RAPGEF3: variants seen among roughly 807,000 people sequenced by gnomAD.
The protein encoded by RAPGEF3 is Rap guanine nucleotide exchange factor 3, also known as 9330170P05Rik.
RAPGEF3 carries 103 observed loss-of-function variants against 129.8 expected under a neutral mutation model. The observed-to-expected ratio is 0.79, with a 90% confidence interval of 0.68 to 0.93. The LOEUF is 0.93. Ranked by LOEUF, RAPGEF3 falls within the 40% of genes least tolerant of loss-of-function variation. RAPGEF3 has a pLI of 0.00. For synonymous variants in RAPGEF3, 436 were observed against 482.6 expected (o/e 0.90, Z 1.26); for missense variants, 1,117 against 1,207.4 (o/e 0.93, Z 1.11).
intron 19 of RAPGEF3, 86 bp from the exon 20 acceptor site, chr12:47,741,126 T>G: frequency 6.9e-7 from 1 of 1,459,580 alleles, no homozygotes; most frequent in Non-Finnish European, 9.3e-7. Context: ...GCAAGGACTC[T>G]ATGCTCGTGT....
In RAPGEF3 at chr12:47,740,947, G is replaced by A. The variant is rs749573837; in HGVS notation, c.2017C>T (p.His673Tyr). ...ATACTGTTGAAGAGGCTCCAGTCGT[G>A]GTCCGTCAGCTGGCCTGCCAGGTCC... ...AKDLAGQLTDHDWSLFNSIHQ... is the reference protein window; with the variant it reads ...AKDLAGQLTDYDWSLFNSIHQ... Residue 673 changes from histidine to tyrosine, a missense_variant, in exon 20 of 28, where the codon CAC becomes TAC. Physicochemically the swap from His to Tyr is moderately conservative, Grantham distance 83. This residue lies in a region of RAPGEF3 where 643 missense variants were observed against 673.4 expected (regional missense o/e 0.95). Transcript: ENST00000449771. The A allele has an allele frequency of 1.2e-5, 20 of 1,613,836 alleles. No homozygotes were observed. In the South Asian group the frequency reaches 2.0e-4, roughly 16 times the overall value.
At chr12:47,744,142 T>G (rs1941306805) in intron 16 of RAPGEF3, 74 bp from the exon 17 acceptor site, 62 of 1,252,268 alleles carry the variant, frequency 5.0e-5, no homozygotes, top group Non-Finnish European at 6.3e-5. Flanking sequence ...GATTGTGAGG[T>G]CCCTGTGTCA....
chr12:47,758,315 C>T (rs1435859749), intron 1 of RAPGEF3: 2 of 1,434,626 alleles, frequency 1.4e-6, no homozygotes, highest in South Asian at 1.5e-5. Flanking sequence ...CCTTCTTAGT[C>T]CTCTTTGGAA....
chr12:47,749,337 CA>C lies in RAPGEF3; in HGVS notation c.1041+52del. The C allele has an allele frequency of 6.2e-7, 1 of 1,603,060 alleles. No individual in the cohort carries two copies. The highest frequency in any genetic ancestry group is 8.5e-7 in the Non-Finnish European group (1 of 1,177,500). ...GCTCTGGTCCCTACTCCTCTCTCCA[CA>C]TCACTTCTCTGGACGAATGGCCCCT... is the stretch of plus-strand genomic sequence containing the variant. On this transcript the variant is annotated intron_variant, in intron 10 of 27. Coordinates refer to ENST00000449771, the MANE Select transcript of RAPGEF3 (RefSeq NM_001098531.4). This position sits in a 1 kb window ranked among gnomAD's most constrained non-coding sequence, Gnocchi z 4.5.
At chr12:47,752,067 C>T (rs1040441933) in intron 2 of RAPGEF3, 98 bp from the exon 3 acceptor site, 1 of 1,322,420 alleles carries the variant, frequency 7.6e-7, no homozygotes. Context: ...TTGCCTAGGC[C>T]CCAACCCCAA....
chr12:47,746,880 T>C lies in RAPGEF3; in HGVS notation c.1576A>G (p.Asn526Asp), dbSNP rs75903148. 1 of 1,600,600 alleles carries C rather than the reference T, an allele frequency of 6.2e-7. No individual in the cohort carries two copies. Among genetic ancestry groups the C allele is most frequent in the Non-Finnish European group, 8.5e-7 (1 of 1,175,940 alleles). The change falls in exon 16 of 28, where the codon AAT becomes GAT. Residue 526 changes from asparagine (N) to aspartate (D), a missense_variant. Coordinates refer to ENST00000449771, the MANE Select transcript of RAPGEF3 (RefSeq NM_001098531.4). ...RCHRLENGCG[N>D]ASPQMKARNL... ...GACACCTTCATCTGAGGAGATGCAT[T>C]CCCACAGCCATTCTCCAACCTGCAG... is the stretch of plus-strand genomic sequence containing the variant.
chr12:47,753,721 CTTG>C (rs1470413600), intron 2 of RAPGEF3, among the ~76,000 whole-genome samples: 1 of 152,248 alleles, frequency 6.6e-6, no homozygotes. Context: ...GTGCTAATGA[CTTG>C]TTGTTCATAT....
At position 47,747,834 on chromosome 12, in the gene RAPGEF3, C is replaced by T. The variant is rs562053494; in HGVS notation, c.1351G>A (p.Glu451Lys). 6 of 1,604,434 alleles carry T rather than the reference C, an allele frequency of 3.7e-6. No individual in the cohort carries two copies. Among genetic ancestry groups the T allele is most frequent in the Admixed American group, 1.7e-5 (1 of 60,014 alleles). Residue 451 changes from glutamate (E) to lysine (K), a missense_variant, in exon 14 of 28, where the codon GAG (glutamate) becomes AAG (lysine). Physicochemically the swap from Glu to Lys is moderately conservative, Grantham distance 56. Transcript: ENST00000449771. ...HFHVEPAGGS[E>K]QERSTYVCNK... is the part of the protein sequence containing the mutation. ...CAGACGTAGGTGCTGCGCTCCTGCT[C>T]GCTGCCACCCGCAGGCTCCACATGG...
In RAPGEF3 at chr12:47,749,360, C is replaced by T. The variant is rs1179467785; in HGVS notation, c.1041+30G>A. The T allele has an allele frequency of 6.2e-7, 1 of 1,609,084 alleles. No homozygotes were observed. ...CACATCACTTCTCTGGACGAATGGC[C>T]CCTGCCCTCCCCAACCCCAGCAGCA... is the stretch of plus-strand genomic sequence containing the variant. On this transcript the variant is annotated intron_variant, in intron 10 of 27. Coordinates refer to ENST00000449771, the MANE Select transcript of RAPGEF3 (RefSeq NM_001098531.4). This position sits in a 1 kb window ranked among gnomAD's most constrained non-coding sequence, Gnocchi z 4.5.
At position 47,749,522 on chromosome 12, in the gene RAPGEF3, G is replaced by A. The variant is rs758498856; in HGVS notation, c.909C>T (p.Thr303=). Residue 303 remains threonine (T), a synonymous_variant, in exon 10 of 28, where the codon ACC becomes ACT. Coordinates refer to ENST00000449771, the MANE Select transcript of RAPGEF3 (RefSeq NM_001098531.4). This position sits in a 1 kb window ranked among gnomAD's most constrained non-coding sequence, Gnocchi z 4.5. ...GTCCAAAATCATCTCCCTCATGCAG[G>A]GTGGTCACCAGCCCCTGCAGCCAGG... The part of the protein sequence containing the change: ...VVTHGKGLVT[T]LHEGDDFGQL... 3.7e-6 allele frequency: 6 copies of A among 1,610,402 alleles called. No homozygotes were observed. In the South Asian group the frequency reaches 5.5e-5, roughly 15 times the overall value.
In RAPGEF3 at chr12:47,748,421, T is replaced by C. The variant is rs779409762; in HGVS notation, c.1243+33A>G. On this transcript the variant is annotated intron_variant, in intron 12 of 27. Transcript: ENST00000449771. Reference sequence around the variant, plus strand: ...CAGGCTCCATGGACCACCCAATGAGTCAGAAAGCAGGCAGGGTGTCTCTTG... The same window carrying C: ...CAGGCTCCATGGACCACCCAATGAGCCAGAAAGCAGGCAGGGTGTCTCTTG... 3 of 1,584,880 alleles carry C rather than the reference T, an allele frequency of 1.9e-6. No individual in the cohort carries two copies. In the South Asian group the frequency reaches 3.3e-5, roughly 18 times the overall value.
intron 4 of RAPGEF3, 28 bp downstream of exon 4, chr12:47,751,695 G>T: frequency 6.2e-7 from 1 of 1,608,964 alleles, no homozygotes. Flanking sequence ...GTGAGGCTGG[G>T]CAAGGAGGCA....
chr12:47,749,723 G>A lies in RAPGEF3; in HGVS notation c.894+18C>T. On this transcript the variant is annotated intron_variant, in intron 9 of 27. Transcript: ENST00000449771. This position sits in a 1 kb window ranked among gnomAD's most constrained non-coding sequence, Gnocchi z 4.5. ...GTTAGGACCCAGGGCACTGGGGTGGGGAGGAGGGAGGGCTCACCTTGCCAT... is the reference window on the plus strand; with the variant it reads ...GTTAGGACCCAGGGCACTGGGGTGGAGAGGAGGGAGGGCTCACCTTGCCAT... The A allele has an allele frequency of 6.2e-7, 1 of 1,613,902 alleles. No homozygotes were observed. Among genetic ancestry groups the A allele is most frequent in the Non-Finnish European group, 8.5e-7 (1 of 1,179,836 alleles).
rs375586018 is a variant in RAPGEF3, at chr12:47,757,886, A to G, written c.199T>C (p.Cys67Arg). 2.0e-4 allele frequency: 311 copies of G among 1,555,566 alleles called. No individual in the cohort carries two copies. Among genetic ancestry groups the G allele is most frequent in the Non-Finnish European group, 2.6e-4 (301 of 1,149,770 alleles). ...QLLLEHQRPSCIQGLRWTPLT... is the reference protein window; with the variant it reads ...QLLLEHQRPSRIQGLRWTPLT... ...CTCACCCAGCGCAGCCCCTGGATGC[A>G]GCTCGGACGCTGGTGCTCCAGCAGC... The change falls in exon 2 of 28, where the codon TGC becomes CGC. Residue 67 changes from cysteine (C) to arginine (R), a missense_variant. Transcript: ENST00000449771.
At position 47,751,933 on chromosome 12, in the gene RAPGEF3, T is replaced by A; in HGVS notation, c.256A>T (p.Ser86Cys). ...GCTTCTACCTGCTCCAGGCTCTCGC[T>A]GAAATCCAGGGACTCCTCGCTGTTG... ...LTNSEESLDF[S>C]ESLEQASTER... The change falls in exon 3 of 28, where the codon AGC becomes TGC. Residue 86 changes from serine (S) to cysteine (C), a missense_variant. Coordinates refer to ENST00000449771, the MANE Select transcript of RAPGEF3 (RefSeq NM_001098531.4). The A allele has an allele frequency of 6.2e-7, 1 of 1,614,142 alleles. No individual in the cohort carries two copies. The highest frequency in any genetic ancestry group is 8.5e-7 in the Non-Finnish European group (1 of 1,180,006).
Position 47,748,869 on chromosome 12 carries a change from T to C in RAPGEF3, c.1104A>G (p.Arg368=), listed in dbSNP as rs373521998. 9 of 1,613,870 alleles carry C rather than the reference T, an allele frequency of 5.6e-6. No individual in the cohort carries two copies. Among genetic ancestry groups the C allele is most frequent in the East Asian group, 2.2e-5 (1 of 44,882 alleles). The part of the protein sequence containing the change: ...EHGKVVLVLE[R]ASQGAGPSRP... ...GGGAAGGGCCGGCGCCCTGAGAGGC[T>C]CTCTCCAGCACCAGCACCACTTTGC... The change falls in exon 11 of 28, where the codon AGA becomes AGG. Residue 368 remains arginine (R), a synonymous_variant. Coordinates refer to ENST00000449771, the MANE Select transcript of RAPGEF3 (RefSeq NM_001098531.4).
intron 1 of RAPGEF3, chr12:47,758,317 T>A: frequency 7.0e-7 from 1 of 1,434,368 alleles, no homozygotes; most frequent in South Asian, 1.5e-5. Context: ...TTCTTAGTCC[T>A]CTTTGGAATT....
chr12:47,757,935 C>T lies in RAPGEF3; in HGVS notation c.150G>A (p.Arg50=), dbSNP rs1207077835. ...GCAGCTGGTAGGAGCAGCTTCGGGG[C>T]CGGTGCATCCTTCTCAACACCATGT... ...LLNMVLRRMH[R]PRSCSYQLLL... is the part of the protein sequence containing the mutation. The change falls in exon 2 of 28, where the codon CGG becomes CGA. Residue 50 remains arginine (R), a synonymous_variant. Coordinates refer to ENST00000449771, the MANE Select transcript of RAPGEF3 (RefSeq NM_001098531.4). 3 of 1,557,190 alleles carry T rather than the reference C, an allele frequency of 1.9e-6. No homozygotes were observed. Among genetic ancestry groups the T allele is most frequent in the Non-Finnish European group, 2.6e-6 (3 of 1,150,210 alleles).
chr12:47,744,004 A>T lies in RAPGEF3; in HGVS notation c.1661T>A (p.Ile554Asn). The change falls in exon 17 of 28, where the codon ATC becomes AAC. Residue 554 changes from isoleucine (I) to asparagine (N), a missense_variant. This residue lies in a region of RAPGEF3 where 643 missense variants were observed against 673.4 expected (regional missense o/e 0.95). Transcript: ENST00000449771. ...DEPLPGSSCAIQVGDKVPYDI... is the reference protein window; with the variant it reads ...DEPLPGSSCANQVGDKVPYDI... ...CCACCAACCTTTATCCCCAACTTGGATGGCACAGCTGCTGCCAGGAAGGGG... is the reference window on the plus strand; with the variant it reads ...CCACCAACCTTTATCCCCAACTTGGTTGGCACAGCTGCTGCCAGGAAGGGG... The T allele has an allele frequency of 1.9e-6, 3 of 1,609,842 alleles. No individual in the cohort carries two copies. Among genetic ancestry groups the T allele is most frequent in the Non-Finnish European group, 2.6e-6 (3 of 1,176,252 alleles).
Sources: gnomAD v4.1 joint callset for allele counts (sites outside exome capture counted in the v4.1 genomes callset) on GRCh38, gnomAD v4.1.1 for gene constraint, gnomAD v4.1.1 regional missense constraint, Gnocchi (gnomAD v3.1) non-coding constraint, MANE v1.5 for transcripts, NCBI Gene and HGNC (gene_info 2026-07-23, HGNC 2026-07-21) for gene names.